COL13A1: variants seen among roughly 807,000 people sequenced by gnomAD.
The protein encoded by COL13A1 is collagen alpha-1(XIII) chain.
A neutral mutation model predicts 130.9 loss-of-function variants in COL13A1; 89 were observed. That is an observed-to-expected ratio of 0.68 (90% CI 0.57 to 0.81). The LOEUF (loss-of-function observed/expected upper bound fraction) is 0.81. Among genes scored for constraint, COL13A1 ranks in the 30% least tolerant of loss-of-function variants. The pLI is 0.00. For synonymous variants in COL13A1, 402 were observed against 341.6 expected, an observed-to-expected ratio of 1.18 and a Z score of -1.95; for missense variants, 879 against 934.6, an observed-to-expected ratio of 0.94 and a Z score of 0.78.
rs1158205767 is a variant in COL13A1 at position 69,898,735 on chromosome 10, C to A, written c.723C>A (p.Pro241=). The change falls in exon 14 of 41, where the codon CCC becomes CCA. Residue 241 remains proline (P), a synonymous_variant. Coordinates refer to ENST00000645393, the MANE Select transcript of COL13A1 (RefSeq NM_001368882.1). ...TCAATTCAGTGCGACTGGCTCCACC[C>A]CCGGTCATAAAAAGGCGGACGTTCC... is the stretch of plus-strand genomic sequence containing the variant. The part of the protein sequence containing the change: ...PLLNSVRLAP[P]PVIKRRTFQG... The A allele has an allele frequency of 1.2e-6, 2 of 1,613,510 alleles. No individual in the cohort carries two copies.
chr10:69,945,427 C>T (rs995420876), intron 36 of COL13A1, among the ~76,000 whole-genome samples: 5 of 152,194 alleles, frequency 3.3e-5, no homozygotes, highest in African/African-American at 7.2e-5. Flanking sequence ...CAGGACACCA[C>T]GGGTCATTCT....
intron 18 of COL13A1, 77 bp downstream of exon 18, chr10:69,917,410 G>C (rs1415627073): frequency 1.5e-6 from 2 of 1,317,238 alleles, no homozygotes; most frequent in African/African-American, 1.5e-5. Context: ...CTCAGCTCTG[G>C]GGACACTCTG....
At chr10:69,810,954 C>A (rs1037344716) in intron 1 of COL13A1, among the ~76,000 whole-genome samples, 8 of 152,238 alleles carry the variant, frequency 5.3e-5, no homozygotes, top group Non-Finnish European at 8.8e-5. Flanking sequence ...CACAAAGGGG[C>A]AGAACTGCCT....
intron 7 of COL13A1, among the ~76,000 whole-genome samples, chr10:69,885,726 T>A (rs975949514): frequency 6.6e-6 from 1 of 152,196 alleles, no homozygotes; most frequent in Non-Finnish European, 1.5e-5. Context: ...TGCAGAGTAG[T>A]TTACAGAAAG....
At chr10:69,802,754 G>A (rs369520339) in intron 1 of COL13A1, 37 bp downstream of exon 1, 78 of 1,605,234 alleles carry the variant, frequency 4.9e-5, no homozygotes, top group Admixed American at 1.7e-4. Context: ...ATCCCTCCCC[G>A]CGGCGCCCCC....
chr10:69,913,132 C>T (rs572221776), intron 17 of COL13A1, among the ~76,000 whole-genome samples: 167 of 152,352 alleles, frequency 1.1e-3, no homozygotes, highest in African/African-American at 3.9e-3. Context: ...CCATCCCTTC[C>T]TGCATTGGTT....
At chr10:69,928,101 G>T (rs35039949) in intron 27 of COL13A1, among the ~76,000 whole-genome samples, 1 of 152,072 alleles carries the variant, frequency 6.6e-6, no homozygotes, top group South Asian at 2.1e-4. Context: ...GCAGTGAGTC[G>T]AGACTGCACC....
At chr10:69,816,545 G>T (rs1844566066) in intron 1 of COL13A1, among the ~76,000 whole-genome samples, 1 of 152,208 alleles carries the variant, frequency 6.6e-6, no homozygotes, top group African/African-American at 2.4e-5. Flanking sequence ...ACCCTAGGGA[G>T]CCAGTGTCTA....
At chr10:69,847,681 C>G (rs917430519) in intron 2 of COL13A1, among the ~76,000 whole-genome samples, 25 of 152,204 alleles carry the variant, frequency 1.6e-4, no homozygotes, top group Admixed American at 1.6e-3. Context: ...AGCATCTCAG[C>G]TTGGGAGGAA....
At chr10:69,860,646 G>T in intron 2 of COL13A1, 1 of 174,456 alleles carries the variant, frequency 5.7e-6, no homozygotes. Flanking sequence ...CTCTTGCCAG[G>T]GGCTGGGCAT....
chr10:69,899,168 C>T (rs2061949522), intron 14 of COL13A1, among the ~76,000 whole-genome samples: 1 of 152,198 alleles, frequency 6.6e-6, no homozygotes, highest in Non-Finnish European at 1.5e-5. Context: ...GGGATTTGTA[C>T]CCAGTCTCTC....
intron 1 of COL13A1, among the ~76,000 whole-genome samples, chr10:69,810,493 C>T (rs557740187): frequency 5.9e-5 from 9 of 152,202 alleles, no homozygotes; most frequent in East Asian, 3.9e-4. Context: ...ATGAAGCTCA[C>T]GGTGAGATGT....
intron 30 of COL13A1, 91 bp downstream of exon 30, chr10:69,930,643 G>T: frequency 2.1e-6 from 3 of 1,400,982 alleles, no homozygotes. Context: ...CATGATGTGA[G>T]CTGCTGCCTG....
intron 3 of COL13A1, among the ~76,000 whole-genome samples, chr10:69,870,285 C>CT: frequency 6.9e-6 from 1 of 144,520 alleles, no homozygotes; most frequent in Non-Finnish European, 1.5e-5. Context: ...ATTTTTTTTT[C>CT]TTTTTTAGAA....
intron 24 of COL13A1, 37 bp downstream of exon 24, chr10:69,923,892 G>C: frequency 6.3e-7 from 1 of 1,599,466 alleles, no homozygotes; most frequent in African/African-American, 1.3e-5. Context: ...TGCAAGATGA[G>C]GGTCAGCTTG....
chr10:69,935,412 A>G (rs1452995403), intron 32 of COL13A1, 21 bp downstream of exon 32: 1 of 1,535,622 alleles, frequency 6.5e-7, no homozygotes, highest in South Asian at 1.2e-5. Context: ...AGGGCTTGTC[A>G]GTGGCCAGTC....
intron 19 of COL13A1, 59 bp from the exon 20 acceptor site, chr10:69,919,003 C>T (rs576568131): frequency 3.1e-6 from 5 of 1,610,888 alleles, no homozygotes; most frequent in Admixed American, 3.3e-5. Flanking sequence ...CAACAGGTGC[C>T]TTGCTCATTT....
chr10:69,847,921 C>G (rs1436124080), intron 2 of COL13A1, among the ~76,000 whole-genome samples: 1 of 152,252 alleles, frequency 6.6e-6, no homozygotes, highest in Non-Finnish European at 1.5e-5. Flanking sequence ...GGGCTGGACC[C>G]TGACCCGAAG....
intron 2 of COL13A1, among the ~76,000 whole-genome samples, chr10:69,866,658 A>AC (rs1470330169): frequency 6.6e-6 from 1 of 151,860 alleles, no homozygotes; most frequent in Non-Finnish European, 1.5e-5. Flanking sequence ...ACACCTCTTG[A>AC]CTTTTTCTGT....
Sources: gnomAD v4.1 joint callset for allele counts (sites outside exome capture counted in the v4.1 genomes callset) on GRCh38, gnomAD v4.1.1 for gene constraint, MANE v1.5 for transcripts, NCBI Gene and HGNC (gene_info 2026-07-23, HGNC 2026-07-21) for gene names.